The following FBXO28 variants were observed in gnomAD, a reference collection of about 807,000 sequenced individuals.
FBXO28 encodes F-box protein 28, also known as F-box only protein 28.
In FBXO28, 8 loss-of-function variants were observed where a neutral mutation model predicts 38.1. The ratio of observed to expected loss-of-function variants is 0.21; its 90% CI spans 0.12 to 0.38. The LOEUF (loss-of-function observed/expected upper bound fraction) is 0.38. Among genes scored for constraint, FBXO28 ranks in the 10% least tolerant of loss-of-function variants. FBXO28 has a pLI of 1.00. For missense variants in FBXO28, 345 were observed against 460.6 expected (o/e 0.75, Z 2.30); for synonymous variants, 168 against 173.8 (o/e 0.97, Z 0.26).
intron 1 of FBXO28, among the ~76,000 whole-genome samples, chr1:224,125,929 A>T (rs1251303977): frequency 2.0e-5 from 3 of 152,110 alleles, no homozygotes; most frequent in Non-Finnish European, 4.4e-5. Context: ...GCTCCCGGCC[A>T]TTCATTCTCT....
intron 2 of FBXO28, among the ~76,000 whole-genome samples, chr1:224,133,098 A>G (rs990584845): frequency 3.9e-5 from 6 of 152,236 alleles, no homozygotes; most frequent in Admixed American, 3.3e-4. Context: ...CTGGAAAACT[A>G]TGCTAAATGA....
intron 3 of FBXO28, among the ~76,000 whole-genome samples, chr1:224,138,591 C>G (rs1254515691): frequency 6.6e-6 from 1 of 151,810 alleles, no homozygotes; most frequent in East Asian, 1.9e-4. Context: ...GGAAGTTACA[C>G]TTTTTACAGT....
intron 3 of FBXO28, 39 bp from the exon 4 acceptor site, chr1:224,153,103 A>C (rs747558784): frequency 5.2e-6 from 8 of 1,535,370 alleles, no homozygotes; most frequent in Non-Finnish European, 7.0e-6. Flanking sequence ...TTATTAAAAA[A>C]GAAAAATCTA....
intron 3 of FBXO28, among the ~76,000 whole-genome samples, chr1:224,134,799 T>C (rs992939825): frequency 2.6e-5 from 4 of 152,204 alleles, no homozygotes; most frequent in African/African-American, 4.8e-5. Flanking sequence ...AGTACCCTAC[T>C]CCTTGAATTA....
intron 3 of FBXO28, among the ~76,000 whole-genome samples, chr1:224,143,122 C>T (rs1041665684): frequency 1.3e-5 from 2 of 148,336 alleles, no homozygotes; most frequent in African/African-American, 5.0e-5. Flanking sequence ...ATATATTAGC[C>T]GGGTGCAGTG....
chr1:224,157,699 G>C lies in FBXO28; in HGVS notation c.1060G>C (p.Ala354Pro). The change falls in exon 5 of 5, where the codon GCC becomes CCC. Residue 354 changes from alanine (A) to proline (P), a missense_variant. Transcript: ENST00000366862. ...SPRKRKKATE[A>P]IDSLRKSKRL... is the part of the protein sequence containing the mutation. ...TCGGAAACGAAAAAAGGCCACGGAA[G>C]CCATAGACTCTCTTAGGAAATCTAA... 6.2e-7 allele frequency: 1 copy of C among 1,613,238 alleles called. No homozygotes were observed. Among genetic ancestry groups the C allele is most frequent in the East Asian group, 2.2e-5 (1 of 44,890 alleles).
intron 3 of FBXO28, among the ~76,000 whole-genome samples, chr1:224,142,936 A>G (rs528219242): frequency 2.0e-5 from 3 of 151,850 alleles, no homozygotes; most frequent in East Asian, 1.9e-4. Flanking sequence ...ACAGAAAGAC[A>G]CTCTGTCATA....
intron 3 of FBXO28, among the ~76,000 whole-genome samples, chr1:224,151,276 A>C (rs1489552415): frequency 6.6e-6 from 1 of 152,024 alleles, no homozygotes; most frequent in Admixed American, 6.6e-5. Context: ...CACACATCTC[A>C]TCTCCCATTG....
chr1:224,161,470 G>A lies in FBXO28; in HGVS notation c.*3724G>A, dbSNP rs1657905825. 1 of 152,176 alleles carries A rather than the reference G, an allele frequency of 6.6e-6. No individual in the cohort carries two copies. Among genetic ancestry groups the A allele is most frequent in the Non-Finnish European group, 1.5e-5 (1 of 68,028 alleles). 9.4% of individuals were successfully genotyped at this position (152,176 alleles called of 1,614,324 possible). On this transcript the variant is annotated 3_prime_UTR_variant, in exon 5 of 5. Coordinates refer to ENST00000366862, the MANE Select transcript of FBXO28 (RefSeq NM_015176.4). Reference sequence around the variant, plus strand: ...GAAACCCAACTTGATACACTGTTTGGTTCTTTGACTTGGGATCTATCTGAA... The same window carrying A: ...GAAACCCAACTTGATACACTGTTTGATTCTTTGACTTGGGATCTATCTGAA...
At chr1:224,122,097 A>G (rs545772161) in intron 1 of FBXO28, among the ~76,000 whole-genome samples, 1 of 152,192 alleles carries the variant, frequency 6.6e-6, no homozygotes, top group South Asian at 2.1e-4. Context: ...TTTAAAGATT[A>G]AAGTATTCTT....
Position 224,153,299 on chromosome 1 carries a change from G to T in FBXO28, c.674G>T (p.Gly225Val), listed in dbSNP as rs781590852. 4 of 1,607,656 alleles carry T rather than the reference G, an allele frequency of 2.5e-6. No homozygotes were observed. The highest frequency in any genetic ancestry group is 3.4e-6 in the Non-Finnish European group (4 of 1,177,460). ...CCAATTTTAAAGAGGAAATTACCAG[G>T]ATCAGATGTTTCTGGAAGACTCATG... ...IVPILKRKLP[G>V]SDVSGRLMGS... The change falls in exon 4 of 5, where the codon GGA (glycine) becomes GTA (valine). Residue 225 changes from glycine to valine, a missense_variant. By Grantham distance (109) the Gly-to-Val change is moderately radical. Coordinates refer to ENST00000366862, the MANE Select transcript of FBXO28 (RefSeq NM_015176.4).
chr1:224,140,774 A>G (rs150605233), intron 3 of FBXO28, among the ~76,000 whole-genome samples: 310 of 151,742 alleles, frequency 2.0e-3, no homozygotes, highest in African/African-American at 7.1e-3. Context: ...GTGAAACCCC[A>G]TCTCTACTAA....
At chr1:224,154,960 AGAGT>A in intron 4 of FBXO28, among the ~76,000 whole-genome samples, 2 of 147,978 alleles carry the variant, frequency 1.4e-5, no homozygotes, top group South Asian at 4.4e-4. Context: ...CCTGGGCAAC[AGAGT>A]GAGACTCCGT....
intron 3 of FBXO28, among the ~76,000 whole-genome samples, chr1:224,144,226 G>A (rs556933657): frequency 6.6e-6 from 1 of 151,296 alleles, no homozygotes; most frequent in African/African-American, 2.4e-5. Context: ...CACTTTGGGA[G>A]GCCAAGATAG....
At chr1:224,155,561 G>C (rs948435612) in intron 4 of FBXO28, among the ~76,000 whole-genome samples, 3 of 152,196 alleles carry the variant, frequency 2.0e-5, no homozygotes, top group African/African-American at 7.2e-5. Flanking sequence ...GGCTCCTAGA[G>C]ATTTGTGCCT....
chr1:224,141,545 C>CACTTTGTCATGTGAACATA (rs1001045627), intron 3 of FBXO28, among the ~76,000 whole-genome samples: 2 of 151,716 alleles, frequency 1.3e-5, no homozygotes, highest in Non-Finnish European at 2.9e-5. Flanking sequence ...ATTGTTAGGT[C>CACTTTGTCATGTGAACATA]ACTTTGTCAT....
rs533522731 is a variant in FBXO28, at chr1:224,152,787, C to T, written c.517-355C>T. On this transcript the variant is annotated intron_variant, in intron 3 of 4. Transcript: ENST00000366862. Reference sequence around the variant, plus strand: ...TACTAAAAATACAAAAAATTAGCCACGCGTGATGGCGGGCAACTGTAATCC... The same window carrying T: ...TACTAAAAATACAAAAAATTAGCCATGCGTGATGGCGGGCAACTGTAATCC... Among the ~76,000 whole-genome samples, 321 of 151,890 alleles carry T rather than the reference C, an allele frequency of 2.1e-3. 2 individuals are homozygous for T. Among genetic ancestry groups the T allele is most frequent in the African/African-American group, 6.6e-3 (272 of 41,434 alleles).
At chr1:224,132,314 A>G (rs1425158535) in intron 2 of FBXO28, among the ~76,000 whole-genome samples, 1 of 152,216 alleles carries the variant, frequency 6.6e-6, no homozygotes, top group Non-Finnish European at 1.5e-5. Context: ...ATAGCCAACA[A>G]GCACATGAAA....
At chr1:224,127,538 CTTTG>C (rs1412008466) in intron 1 of FBXO28, among the ~76,000 whole-genome samples, 4 of 152,044 alleles carry the variant, frequency 2.6e-5, no homozygotes, top group African/African-American at 7.2e-5. Context: ...GTGTTTATGT[CTTTG>C]TTTTTTTCAG....
Sources: gnomAD v4.1 joint callset for allele counts (sites outside exome capture counted in the v4.1 genomes callset) on GRCh38, gnomAD v4.1.1 for gene constraint, MANE v1.5 for transcripts, NCBI Gene and HGNC (gene_info 2026-07-23, HGNC 2026-07-21) for gene names.